Variants in PLSCR5 observed in about 807,000 individuals in gnomAD.
The protein encoded by PLSCR5 is phospholipid scramblase family member 5.
Under a neutral mutation model 33.6 loss-of-function variants are expected in PLSCR5, and 44 were observed. The ratio of observed to expected loss-of-function variants is 1.31; its 90% confidence interval spans 1.03 to 1.69. The LOEUF is 1.69. PLSCR5 is among the 40% of genes most tolerant of loss of function. PLSCR5 has a pLI of 0.00. For missense variants in PLSCR5, 375 were observed against 318.7 expected, an observed-to-expected ratio of 1.18 and a Z score of -1.34; for synonymous variants, 148 against 112.3, an observed-to-expected ratio of 1.32 and a Z score of -2.01.
intron 1 of PLSCR5, 76 bp from the exon 2 acceptor site, chr3:146,600,539 C>G: frequency 1.6e-6 from 2 of 1,274,672 alleles, no homozygotes; most frequent in Non-Finnish European, 2.1e-6. Flanking sequence ...GTATTTGTTA[C>G]TTCTTGATTG....
intron 5 of PLSCR5, among the ~76,000 whole-genome samples, chr3:146,591,504 T>C (rs887044275): frequency 3.3e-5 from 5 of 152,056 alleles, no homozygotes; most frequent in Non-Finnish European, 7.4e-5. Context: ...ATAAATTTTG[T>C]AATATTATTT....
intron 7 of PLSCR5, among the ~76,000 whole-genome samples, chr3:146,578,200 T>TA (rs1333147114): frequency 0.12 from 19 of 156 alleles, no homozygotes; most frequent in Admixed American, 0.45. Context: ...TTATGTTTAA[T>TA]AAAGTTTTTT....
Position 146,598,068 on chromosome 3 carries a change from ACT to A in PLSCR5, c.189+2218_189+2219del, listed in dbSNP as rs556264909. On this transcript the variant is annotated intron_variant, in intron 2 of 7. Transcript: ENST00000443512. ...TTTAATGTACATTATATAGCTAAAC[ACT>A]CATATATGTATATTTTCAAATTGTT... Among the ~76,000 whole-genome samples, 166 of 152,224 alleles carry A rather than the reference ACT, an allele frequency of 1.1e-3. 1 individual carries two copies. The highest frequency in any genetic ancestry group is 3.9e-3 in the African/African-American group (161 of 41,562).
In PLSCR5 at chr3:146,594,102, T is replaced by G. The variant is rs1319291324; in HGVS notation, c.271A>C (p.Lys91Gln). ...GTETSNKYEI[K>Q]NSLGQRIYFA... ...TAAATTCTTTGTCCCAAGCTGTTTT[T>G]AATCTCATATTTGTTGGAGGTCTCA... Residue 91 changes from lysine to glutamine, a missense_variant, in exon 4 of 8, where the codon AAA becomes CAA. Transcript: ENST00000443512. 46 of 1,613,678 alleles carry G rather than the reference T, an allele frequency of 2.9e-5. No homozygotes were observed. In the East Asian group the frequency reaches 1.0e-3, roughly 36 times the overall value.
chr3:146,587,958 A>T (rs1369092584), intron 6 of PLSCR5, among the ~76,000 whole-genome samples: 1 of 152,022 alleles, frequency 6.6e-6, no homozygotes, highest in Admixed American at 6.6e-5. Context: ...TTTAGTTCAT[A>T]TATTTTCCAA....
intron 2 of PLSCR5, among the ~76,000 whole-genome samples, chr3:146,599,565 G>C (rs971521414): frequency 7.3e-5 from 11 of 151,244 alleles, no homozygotes; most frequent in Middle Eastern, 6.9e-3. Flanking sequence ...TTTTGGGTAA[G>C]AGGGGCTAGG....
At position 146,589,705 on chromosome 3, in the gene PLSCR5, G is replaced by A; in HGVS notation, c.725C>T (p.Ala242Val). 1.2e-6 allele frequency: 2 copies of A among 1,605,786 alleles called. No homozygotes were observed. Among genetic ancestry groups the A allele is most frequent in the Non-Finnish European group, 1.7e-6 (2 of 1,173,842 alleles). ...TGCTTTGACTGTTACATCTAGATCT[G>A]CAGGAACATGAATTCCGAAATTGTC... is the stretch of plus-strand genomic sequence containing the variant. ...NADNFGIHVP[A>V]DLDVTVKAAM... The change falls in exon 6 of 8, where the codon GCA (alanine) becomes GTA (valine). Residue 242 changes from alanine (A) to valine (V), a missense_variant. Transcript: ENST00000443512.
At chr3:146,589,921 C>G (rs982506210) in intron 5 of PLSCR5, 107 bp from the exon 6 acceptor site, 2 of 680,690 alleles carry the variant, frequency 2.9e-6, no homozygotes, top group African/African-American at 3.7e-5. Flanking sequence ...TATTTGTCAT[C>G]TTCAAAATGA....
chr3:146,596,473 G>A (rs114651606), intron 2 of PLSCR5, among the ~76,000 whole-genome samples: 13,945 of 152,266 alleles, frequency 0.092, 857 homozygotes, highest in Middle Eastern at 0.16. Context: ...TTACAGGTAT[G>A]AGCCACTGTG....
intron 5 of PLSCR5, 23 bp downstream of exon 5, chr3:146,591,696 CT>C (rs777132427): frequency 3.2e-6 from 5 of 1,586,768 alleles, no homozygotes; most frequent in Non-Finnish European, 4.3e-6. Flanking sequence ...TAAATGAAAA[CT>C]TCTTTCATTT....
At chr3:146,599,173 T>C in intron 2 of PLSCR5, among the ~76,000 whole-genome samples, 1 of 152,204 alleles carries the variant, frequency 6.6e-6, no homozygotes, top group Non-Finnish European at 1.5e-5. Context: ...TTATATGCCA[T>C]AAAATTCAGA....
rs1255705589 is a variant in PLSCR5, at chr3:146,595,098, A to G, written c.190-15T>C. 2 of 1,368,058 alleles carry G rather than the reference A, an allele frequency of 1.5e-6. No homozygotes were observed. The highest frequency in any genetic ancestry group is 1.5e-5 in the African/African-American group (1 of 67,726). The allele number at this position is 1,368,058 out of a possible 1,614,324, so 84.7% of individuals were successfully genotyped here. A position where few individuals can be genotyped will look rare whatever the true frequency, so the allele number is the denominator to read the frequency against. On this transcript the variant is annotated splice_polypyrimidine_tract_variant and intron_variant, in intron 2 of 7. Transcript: ENST00000443512. ...ATCAGGTCTAACTGTAAAGGATGAC[A>G]TAAAAGGAAATAAAAAGTATTAACA...
downstream of PLSCR5, among the ~76,000 whole-genome samples, chr3:146,583,860 A>G (rs183371333): frequency 6.6e-6 from 1 of 152,326 alleles, no homozygotes; most frequent in Non-Finnish European, 1.5e-5. Context: ...GCACTTACAA[A>G]TGATAATTTC....
rs1468878482 is a variant in PLSCR5, at chr3:146,585,951, A to T, written c.*45-9T>A. ...CAGAGCCCAAGGGATTTCTAGAAGA[A>T]AATGAAAAAGAGTTAGATAGCGTCA... On this transcript the variant is annotated splice_polypyrimidine_tract_variant and intron_variant, in intron 7 of 7. Transcript: ENST00000443512. The T allele has an allele frequency of 8.4e-6, 9 of 1,072,654 alleles. No individual in the cohort carries two copies. Among genetic ancestry groups the T allele is most frequent in the African/African-American group, 1.7e-5 (1 of 58,920 alleles). 66.4% of individuals were successfully genotyped at this position (1,072,654 alleles called of 1,614,324 possible).
rs764479455 is a variant in PLSCR5 at position 146,605,262 on chromosome 3, G to A, written c.-50C>T. 4.3e-6 allele frequency: 7 copies of A among 1,610,076 alleles called. No homozygotes were observed. The South Asian group carries it at 6.6e-5, about 15-fold the overall frequency. ...AAGGTTGCCAGGTTGGAAAACAAAG[G>A]CTTTTCTTGTTGCAGCAAGGAGAGA... On this transcript the variant is annotated 5_prime_UTR_variant, in exon 1 of 8. Transcript: ENST00000443512.
intron 2 of PLSCR5, among the ~76,000 whole-genome samples, chr3:146,598,976 A>G (rs2044786602): frequency 6.6e-6 from 1 of 152,204 alleles, no homozygotes; most frequent in African/African-American, 2.4e-5. Context: ...ACCTTAAGGG[A>G]ATTAACACAG....
intron 1 of PLSCR5, among the ~76,000 whole-genome samples, chr3:146,601,971 A>C (rs2044819928): frequency 6.6e-6 from 1 of 152,110 alleles, no homozygotes; most frequent in African/African-American, 2.4e-5. Flanking sequence ...AACTGAGTTC[A>C]TTATTATTAG....
chr3:146,595,316 A>G (rs550276788), intron 2 of PLSCR5, among the ~76,000 whole-genome samples: 1 of 152,312 alleles, frequency 6.6e-6, no homozygotes, highest in South Asian at 2.1e-4. Context: ...AGCATTGAGC[A>G]AGAATAAGAA....
chr3:146,578,988 C>A (rs1432817904), intron 7 of PLSCR5, among the ~76,000 whole-genome samples: 1 of 151,550 alleles, frequency 6.6e-6, no homozygotes, highest in African/African-American at 2.4e-5. Flanking sequence ...AAATTTTTTT[C>A]TTTTTAAAAT....
Sources: allele counts gnomAD v4.1 joint callset (sites outside exome capture counted in the v4.1 genomes callset), GRCh38; gene constraint gnomAD v4.1.1; transcripts MANE v1.5; gene names NCBI Gene and HGNC (gene_info 2026-07-23, HGNC 2026-07-21).